YWHAE: variants seen among roughly 807,000 people sequenced by gnomAD.
The protein encoded by YWHAE is 14-3-3 protein epsilon.
A neutral mutation model predicts 30.1 loss-of-function variants in YWHAE; 4 were observed. The ratio of observed to expected loss-of-function variants is 0.13; its 90% CI spans 0.07 to 0.30. The LOEUF (loss-of-function observed/expected upper bound fraction) is 0.30. Ranked by LOEUF, YWHAE falls within the 10% of genes least tolerant of loss-of-function variation. The pLI is 1.00. For missense variants in YWHAE, 121 were observed against 315.9 expected (o/e 0.38, Z 4.68); for synonymous variants, 118 against 111.8 (o/e 1.06, Z -0.35).
intron 5 of YWHAE, among the ~76,000 whole-genome samples, chr17:1,348,646 C>T (rs557741332): frequency 6.6e-6 from 1 of 152,296 alleles, no homozygotes; most frequent in Non-Finnish European, 1.5e-5. Flanking sequence ...TGTCAAACTC[C>T]TGGGCTCAAG....
At chr17:1,355,688 T>A (rs1191284346) in intron 4 of YWHAE, among the ~76,000 whole-genome samples, 4 of 152,004 alleles carry the variant, frequency 2.6e-5, no homozygotes, top group Non-Finnish European at 5.9e-5. Context: ...ATAATCTAAG[T>A]CCACATCAAC....
chr17:1,378,983 C>G (rs531081202), intron 1 of YWHAE, among the ~76,000 whole-genome samples: 6 of 152,136 alleles, frequency 3.9e-5, no homozygotes, highest in African/African-American at 1.4e-4. Flanking sequence ...GTATGATCCC[C>G]AAGAAAGTTA....
At chr17:1,372,404 CT>C (rs1366855815) in intron 1 of YWHAE, among the ~76,000 whole-genome samples, 2 of 152,244 alleles carry the variant, frequency 1.3e-5, no homozygotes, top group African/African-American at 2.4e-5. Flanking sequence ...TGGACTAGCA[CT>C]TTTTAATCTC....
intron 1 of YWHAE, among the ~76,000 whole-genome samples, chr17:1,383,859 A>G (rs2073256347): frequency 6.6e-6 from 1 of 152,068 alleles, no homozygotes; most frequent in South Asian, 2.1e-4. Context: ...CCAAGAGTTC[A>G]AGACCGGCCT....
chr17:1,384,991 C>T (rs2073278269), intron 1 of YWHAE, among the ~76,000 whole-genome samples: 1 of 151,372 alleles, frequency 6.6e-6, no homozygotes, highest in South Asian at 2.1e-4. Flanking sequence ...TTTTTAAAAT[C>T]AGTTTCAGGT....
At position 1,354,239 on chromosome 17, in the gene YWHAE, T is replaced by C. The variant is rs893640086; in HGVS notation, c.687A>G (p.Thr229=). Residue 229 remains threonine, a synonymous_variant, in exon 5 of 6, where the codon ACA becomes ACG. Coordinates refer to ENST00000264335, the MANE Select transcript of YWHAE (RefSeq NM_006761.5). The part of the protein sequence containing the change: ...LIMQLLRDNL[T]LWTSDMQGDG... ...CACCCTGCATGTCTGAAGTCCATAG[T>C]GTCAGATTATCACGTAACAACTGCA... is the stretch of plus-strand genomic sequence containing the variant. The C allele has an allele frequency of 6.2e-7, 1 of 1,614,080 alleles. No homozygotes were observed.
intron 1 of YWHAE, among the ~76,000 whole-genome samples, chr17:1,385,463 A>G (rs536544512): frequency 3.3e-5 from 5 of 152,294 alleles, no homozygotes; most frequent in African/African-American, 1.2e-4. Context: ...CTTCTTATCC[A>G]GCCATTTATA....
At chr17:1,359,785 G>A (rs1295094753) in intron 4 of YWHAE, among the ~76,000 whole-genome samples, 4 of 149,986 alleles carry the variant, frequency 2.7e-5, no homozygotes, top group Non-Finnish European at 3.0e-5. Flanking sequence ...ACACAACACT[G>A]TCAATGTATT....
chr17:1,399,873 G>C (rs2073540673), intron 1 of YWHAE, 174 bp downstream of exon 1: 1 of 747,704 alleles, frequency 1.3e-6, no homozygotes, highest in Non-Finnish European at 2.3e-6. Context: ...TCACATTCCA[G>C]GGCATAGAGC....
At chr17:1,368,730 C>G (rs1264814364) in intron 1 of YWHAE, among the ~76,000 whole-genome samples, 3 of 152,182 alleles carry the variant, frequency 2.0e-5, no homozygotes, top group Non-Finnish European at 4.4e-5. Context: ...TACCTCCATA[C>G]TAGTTTAATT....
intron 1 of YWHAE, among the ~76,000 whole-genome samples, chr17:1,374,521 T>C (rs920355124): frequency 6.6e-6 from 1 of 152,158 alleles, no homozygotes; most frequent in Non-Finnish European, 1.5e-5. Context: ...CAAACTTTTC[T>C]ACAGGAGCGG....
At chr17:1,371,223 C>G (rs2073038017) in intron 1 of YWHAE, among the ~76,000 whole-genome samples, 1 of 152,144 alleles carries the variant, frequency 6.6e-6, no homozygotes, top group Non-Finnish European at 1.5e-5. Flanking sequence ...GCTGGGACTA[C>G]AGGTGTACGC....
chr17:1,381,933 A>AAAAAAAG (rs1491485583), intron 1 of YWHAE, among the ~76,000 whole-genome samples: 9 of 144,172 alleles, frequency 6.2e-5, no homozygotes, highest in Non-Finnish European at 4.5e-5. Context: ...AAAAAAAAAA[A>AAAAAAAG]GACAGGCAGA....
rs150885670 is a variant in YWHAE at position 1,384,120 on chromosome 17, C to T, written c.64+15927G>A. Among the ~76,000 whole-genome samples, 375 of 152,262 alleles carry T rather than the reference C, an allele frequency of 2.5e-3. 1 individual carries two copies. Among genetic ancestry groups the T allele is most frequent in the Non-Finnish European group, 3.9e-3 (266 of 68,014 alleles). ...CTCGGGAAGATGAGGCAGAGAACTG[C>T]TTGAACCCAGGAGGCGAAAGCTGCA... On this transcript the variant is annotated intron_variant, in intron 1 of 5. Coordinates refer to ENST00000264335, the MANE Select transcript of YWHAE (RefSeq NM_006761.5).
intron 4 of YWHAE, among the ~76,000 whole-genome samples, chr17:1,355,151 TTTTTTTTTTTTTTTTTTTTTTG>T: frequency 5.3e-5 from 1 of 18,722 alleles, no homozygotes; most frequent in Non-Finnish European, 1.1e-4. Flanking sequence ...AAAAAAAATT[TTTTTTTTTTTTTTTTTTTTTTG>T]GGGGACGGGG....
intron 4 of YWHAE, among the ~76,000 whole-genome samples, chr17:1,357,276 G>A (rs1474998839): frequency 2.6e-5 from 4 of 151,816 alleles, no homozygotes; most frequent in South Asian, 2.1e-4. Flanking sequence ...GGTGGCGGGC[G>A]CCTGTAGTCC....
At chr17:1,366,937 G>T (rs1298162710) in intron 1 of YWHAE, among the ~76,000 whole-genome samples, 5 of 151,500 alleles carry the variant, frequency 3.3e-5, no homozygotes, top group African/African-American at 1.2e-4. Context: ...GTGAGACTCC[G>T]TTTCAAAAAA....
At chr17:1,366,909 T>C (rs2072953855) in intron 1 of YWHAE, among the ~76,000 whole-genome samples, 1 of 152,006 alleles carries the variant, frequency 6.6e-6, no homozygotes, top group African/African-American at 2.4e-5. Flanking sequence ...ACCACTGCAT[T>C]CCAGCCTGGG....
At chr17:1,357,949 A>C (rs1409858468) in intron 4 of YWHAE, among the ~76,000 whole-genome samples, 3 of 152,086 alleles carry the variant, frequency 2.0e-5, no homozygotes, top group South Asian at 4.1e-4. Flanking sequence ...AAAAAGAAAA[A>C]GACAATAGCA....
Sources: gnomAD v4.1 joint callset for allele counts (sites outside exome capture counted in the v4.1 genomes callset) on GRCh38, gnomAD v4.1.1 for gene constraint, MANE v1.5 for transcripts, NCBI Gene and HGNC (gene_info 2026-07-23, HGNC 2026-07-21) for gene names.